The following CCSER1 variants were observed in gnomAD, a reference collection of about 807,000 sequenced individuals.
CCSER1 encodes serine-rich coiled-coil domain-containing protein 1.
CCSER1 carries 41 observed loss-of-function variants against 82.0 expected under a neutral mutation model. The observed-to-expected ratio is 0.50, with a 90% CI of 0.39 to 0.65. The LOEUF (loss-of-function observed/expected upper bound fraction) is 0.65, where lower values mean the gene tolerates loss of function less well. Ranked by LOEUF, CCSER1 falls within the 30% of genes least tolerant of loss-of-function variation. CCSER1 has a pLI of 0.00. For synonymous variants in CCSER1, 414 were observed against 383.9 expected, an observed-to-expected ratio of 1.08 and a Z score of -0.92; for missense variants, 1,119 against 1,064.2, an observed-to-expected ratio of 1.05 and a Z score of -0.72.
chr4:90,144,465 G>A (rs542649925), intron 1 of CCSER1, among the ~76,000 whole-genome samples: 1 of 152,186 alleles, frequency 6.6e-6, no homozygotes, highest in South Asian at 2.1e-4. Context: ...GTTTCACTGC[G>A]ACTGCCTTGG....
At chr4:90,257,473 T>G (rs1027997580) in intron 1 of CCSER1, among the ~76,000 whole-genome samples, 1 of 152,050 alleles carries the variant, frequency 6.6e-6, no homozygotes, top group Non-Finnish European at 1.5e-5. Flanking sequence ...AATTATGGTC[T>G]AAATAGCATA....
intron 6 of CCSER1, among the ~76,000 whole-genome samples, chr4:90,699,630 C>T (rs1427725534): frequency 2.0e-5 from 3 of 152,164 alleles, no homozygotes; most frequent in Admixed American, 2.0e-4. Flanking sequence ...CTTTGGTAGG[C>T]TGTTAATCCC....
At chr4:90,658,861 A>C (rs916913818) in intron 6 of CCSER1, among the ~76,000 whole-genome samples, 1 of 152,184 alleles carries the variant, frequency 6.6e-6, no homozygotes, top group African/African-American at 2.4e-5. Flanking sequence ...CACAAACTAA[A>C]TATCTTAGAA....
At chr4:91,557,372 T>C (rs1762454424) in intron 10 of CCSER1, among the ~76,000 whole-genome samples, 1 of 151,492 alleles carries the variant, frequency 6.6e-6, no homozygotes. Context: ...ATATTTACTC[T>C]TATTTTTTAA....
chr4:90,550,519 T>C (rs1777330847), intron 5 of CCSER1, among the ~76,000 whole-genome samples: 1 of 152,174 alleles, frequency 6.6e-6, no homozygotes. Flanking sequence ...TATTTTCTAA[T>C]CCATTTAAAC....
intron 9 of CCSER1, among the ~76,000 whole-genome samples, chr4:90,985,500 T>G (rs567304922): frequency 1.1e-4 from 17 of 151,926 alleles, no homozygotes; most frequent in African/African-American, 3.6e-4. Context: ...AAATTCCAAA[T>G]TAAGTCTGTC....
chr4:90,985,655 A>G (rs1266627621), intron 9 of CCSER1, among the ~76,000 whole-genome samples: 2 of 151,564 alleles, frequency 1.3e-5, no homozygotes, highest in Non-Finnish European at 3.0e-5. Context: ...TAATACATAC[A>G]TTTTCTTTTT....
intron 1 of CCSER1, among the ~76,000 whole-genome samples, chr4:90,176,933 C>T (rs1340584784): frequency 1.3e-5 from 2 of 152,030 alleles, no homozygotes; most frequent in Non-Finnish European, 2.9e-5. Flanking sequence ...TTAGAACAAC[C>T]TGCTGTTGGT....
chr4:91,575,908 T>C (rs1379062760), intron 10 of CCSER1, among the ~76,000 whole-genome samples: 2 of 151,948 alleles, frequency 1.3e-5, no homozygotes, highest in Non-Finnish European at 2.9e-5. Flanking sequence ...CATGAAAATA[T>C]AAATTGGTTC....
At chr4:90,472,183 A>G (rs1764497179) in intron 5 of CCSER1, among the ~76,000 whole-genome samples, 1 of 152,298 alleles carries the variant, frequency 6.6e-6, no homozygotes, top group South Asian at 2.1e-4. Context: ...TCATAGAGTC[A>G]TCTGATTCAG....
chr4:91,039,117 C>T (rs374243283), intron 9 of CCSER1, among the ~76,000 whole-genome samples: 1 of 152,124 alleles, frequency 6.6e-6, no homozygotes, highest in African/African-American at 2.4e-5. Context: ...CAGCCTCAAC[C>T]ACTTGGCTCA....
intron 1 of CCSER1, among the ~76,000 whole-genome samples, chr4:90,161,449 G>T (rs1442158252): frequency 6.6e-6 from 1 of 152,024 alleles, no homozygotes; most frequent in Non-Finnish European, 1.5e-5. Context: ...TGATGTATTA[G>T]CTGTTGGCAT....
At chr4:90,151,591 T>C (rs962153437) in intron 1 of CCSER1, among the ~76,000 whole-genome samples, 1 of 152,072 alleles carries the variant, frequency 6.6e-6, no homozygotes, top group Admixed American at 6.6e-5. Context: ...AATAAATTGA[T>C]AGACTGTCAG....
chr4:90,187,233 T>C (rs1454739206), intron 1 of CCSER1, among the ~76,000 whole-genome samples: 1 of 151,928 alleles, frequency 6.6e-6, no homozygotes, highest in East Asian at 1.9e-4. Flanking sequence ...ATTCTTAAAA[T>C]TGGTGTGATT....
At chr4:91,541,410 G>C (rs993755955) in intron 10 of CCSER1, among the ~76,000 whole-genome samples, 1 of 152,136 alleles carries the variant, frequency 6.6e-6, no homozygotes, top group Non-Finnish European at 1.5e-5. Flanking sequence ...CCAGGTGTGT[G>C]ATGTTCCCCT....
At position 91,349,504 on chromosome 4, in the gene CCSER1, A is replaced by G. The variant is rs144657731; in HGVS notation, c.2218-249068A>G. Among the ~76,000 whole-genome samples, 359 of 152,302 alleles carry G rather than the reference A, an allele frequency of 2.4e-3. 2 individuals are homozygous for G. Among genetic ancestry groups the G allele is most frequent in the South Asian group, 6.6e-3 (32 of 4,832 alleles). ...CTGTTACTGAGCCTGTGCACCTTAT[A>G]GAAGTCAATAACCCTTAAAGGGCTT... On this transcript the variant is annotated intron_variant, in intron 10 of 10. Transcript: ENST00000509176.
chr4:90,948,069 G>A (rs1732471089), intron 9 of CCSER1, among the ~76,000 whole-genome samples: 1 of 151,834 alleles, frequency 6.6e-6, no homozygotes, highest in South Asian at 2.1e-4. Context: ...CATAAACAAA[G>A]TAAACTGCAT....
intron 9 of CCSER1, among the ~76,000 whole-genome samples, chr4:91,070,278 CCTT>C (rs1721294966): frequency 6.6e-6 from 1 of 152,186 alleles, no homozygotes; most frequent in African/African-American, 2.4e-5. Context: ...GTTCCCAGGA[CCTT>C]CTTTAATTTT....
chr4:90,224,786 T>A (rs1742824700), intron 1 of CCSER1, among the ~76,000 whole-genome samples: 1 of 152,226 alleles, frequency 6.6e-6, no homozygotes, highest in Non-Finnish European at 1.5e-5. Flanking sequence ...CAGAGGGATG[T>A]GCCAGTTTCA....
Sources: gnomAD v4.1 joint callset for allele counts (sites outside exome capture counted in the v4.1 genomes callset) on GRCh38, gnomAD v4.1.1 for gene constraint, MANE v1.5 for transcripts, NCBI Gene and HGNC (gene_info 2026-07-23, HGNC 2026-07-21) for gene names.